The following ENOX1 variants were observed in gnomAD, a reference collection of about 807,000 sequenced individuals.
ENOX1 encodes candidate growth-related and time keeping constitutive hydroquinone (NADH) oxidase.
In ENOX1, 42 loss-of-function variants were observed where a neutral mutation model predicts 82.5. That is an observed-to-expected ratio of 0.51 (90% CI 0.40 to 0.66). ENOX1 has a LOEUF of 0.66. Ranked by LOEUF, ENOX1 falls within the 30% of genes least tolerant of loss-of-function variation. The pLI, the probability that ENOX1 is intolerant of heterozygous loss-of-function variation, is 0.00. For synonymous variants in ENOX1, 271 were observed against 282.2 expected, an observed-to-expected ratio of 0.96 and a Z score of 0.40; for missense variants, 608 against 811.6, an observed-to-expected ratio of 0.75 and a Z score of 3.05.
chr13:43,671,178 C>G lies in ENOX1; in HGVS notation c.-284-3634G>C, dbSNP rs140152912. On this transcript the variant is annotated intron_variant, in intron 1 of 16. Transcript: ENST00000690772. ...GCCATGTAAGATATGTCTGCTTCCC[C>G]TTCCACCATGATTCTAAGTTTCCTA... Among the ~76,000 whole-genome samples, 85 of 152,302 alleles carry G rather than the reference C, an allele frequency of 5.6e-4. 1 individual carries two copies. The East Asian group carries it at 0.016, about 28-fold the overall frequency.
chr13:43,553,519 G>T (rs755147685), intron 2 of ENOX1, among the ~76,000 whole-genome samples: 1 of 152,098 alleles, frequency 6.6e-6, no homozygotes, highest in Non-Finnish European at 1.5e-5. Context: ...CCTTTTTGAT[G>T]TCATTTGTAC....
At chr13:43,225,433 CAAAAG>C (rs995307416) in intron 15 of ENOX1, among the ~76,000 whole-genome samples, 4 of 152,150 alleles carry the variant, frequency 2.6e-5, no homozygotes, top group African/African-American at 9.7e-5. Flanking sequence ...GAAAAAGAAA[CAAAAG>C]AAAAGTTGTC....
intron 3 of ENOX1, among the ~76,000 whole-genome samples, chr13:43,437,512 G>A (rs1284629648): frequency 2.0e-5 from 3 of 152,156 alleles, no homozygotes; most frequent in Non-Finnish European, 4.4e-5. Context: ...AATGACTACC[G>A]GAATTCCAAA....
intron 2 of ENOX1, among the ~76,000 whole-genome samples, chr13:43,523,423 G>A (rs1168186206): frequency 3.9e-5 from 6 of 152,098 alleles, no homozygotes. Flanking sequence ...AGAAAACAGA[G>A]AATAAGGGAA....
intron 1 of ENOX1, among the ~76,000 whole-genome samples, chr13:43,680,401 G>A (rs1051241090): frequency 6.6e-6 from 1 of 152,158 alleles, no homozygotes; most frequent in Non-Finnish European, 1.5e-5. Flanking sequence ...CAGATAGGAT[G>A]GTGTTCCTTC....
intron 3 of ENOX1, among the ~76,000 whole-genome samples, chr13:43,464,678 A>C (rs2057641827): frequency 6.6e-6 from 1 of 152,186 alleles, no homozygotes; most frequent in Non-Finnish European, 1.5e-5. Context: ...CCCACTGTTA[A>C]CATCTCACAT....
chr13:43,232,470 C>G (rs966564431), intron 15 of ENOX1, among the ~76,000 whole-genome samples: 4 of 152,210 alleles, frequency 2.6e-5, no homozygotes, highest in African/African-American at 4.8e-5. Flanking sequence ...ATAGCCTCAA[C>G]TTTATTCACT....
intron 1 of ENOX1, among the ~76,000 whole-genome samples, chr13:43,700,760 C>T (rs1402910878): frequency 6.6e-6 from 1 of 152,058 alleles, no homozygotes; most frequent in Non-Finnish European, 1.5e-5. Context: ...AAACTATTAC[C>T]TTCTTACTGT....
intron 11 of ENOX1, among the ~76,000 whole-genome samples, chr13:43,313,889 A>G (rs1185059201): frequency 6.6e-6 from 1 of 152,196 alleles, no homozygotes; most frequent in Non-Finnish European, 1.5e-5. Context: ...CTGAGAACTG[A>G]TAATTTAGGT....
intron 3 of ENOX1, chr13:43,458,317 T>C (rs1006871346): frequency 6.6e-6 from 1 of 152,180 alleles, no homozygotes; most frequent in African/African-American, 2.4e-5. Flanking sequence ...AATCATACAA[T>C]GCATATAAAG....
At chr13:43,612,090 G>A (rs1053318199) in intron 2 of ENOX1, among the ~76,000 whole-genome samples, 1 of 152,166 alleles carries the variant, frequency 6.6e-6, no homozygotes, top group African/African-American at 2.4e-5. Flanking sequence ...AATTTGTTTT[G>A]TGGGTAGAGT....
intron 1 of ENOX1, among the ~76,000 whole-genome samples, chr13:43,773,232 C>T (rs988311182): frequency 6.6e-6 from 1 of 152,210 alleles, no homozygotes; most frequent in Non-Finnish European, 1.5e-5. Flanking sequence ...CCTTCAATGA[C>T]TGCTTAAGGA....
intron 2 of ENOX1, among the ~76,000 whole-genome samples, chr13:43,601,876 C>T (rs144285968): frequency 6.6e-6 from 1 of 151,794 alleles, no homozygotes; most frequent in Admixed American, 6.6e-5. Flanking sequence ...ACTTTATAGG[C>T]CAGAAGAGTG....
At chr13:43,745,438 G>T (rs7327966) in intron 1 of ENOX1, among the ~76,000 whole-genome samples, 14,191 of 152,098 alleles carry the variant, frequency 0.093, 1,098 homozygotes, top group African/African-American at 0.21. Context: ...AACCACTTAA[G>T]GAAAACGTTA....
intron 1 of ENOX1, among the ~76,000 whole-genome samples, chr13:43,669,029 G>A (rs1482075093): frequency 1.3e-5 from 2 of 152,148 alleles, no homozygotes; most frequent in African/African-American, 4.8e-5. Context: ...TATCCTACAA[G>A]ACAAGGAGGA....
intron 3 of ENOX1, among the ~76,000 whole-genome samples, chr13:43,429,886 T>C (rs73471839): frequency 0.018 from 2,717 of 152,270 alleles, 89 homozygotes; most frequent in African/African-American, 0.062. Flanking sequence ...ATAATAAACA[T>C]AATACAATTA....
At chr13:43,337,797 G>A (rs2048801713) in intron 9 of ENOX1, among the ~76,000 whole-genome samples, 1 of 152,004 alleles carries the variant, frequency 6.6e-6, no homozygotes, top group Admixed American at 6.6e-5. Context: ...GGAGCCAAGA[G>A]TCTTGGTTCT....
At chr13:43,236,388 C>T (rs1122760) in intron 15 of ENOX1, among the ~76,000 whole-genome samples, 2 of 152,054 alleles carry the variant, frequency 1.3e-5, no homozygotes, top group East Asian at 3.9e-4. Flanking sequence ...TGAGATGCAA[C>T]TTAGCGTATT....
intron 2 of ENOX1, among the ~76,000 whole-genome samples, chr13:43,616,791 G>A (rs970083808): frequency 2.6e-5 from 4 of 151,958 alleles, no homozygotes; most frequent in African/African-American, 7.2e-5. Flanking sequence ...TACTGCAGAG[G>A]TGGGGAGGTA....
Sources: gnomAD v4.1 joint callset for allele counts (sites outside exome capture counted in the v4.1 genomes callset) on GRCh38, gnomAD v4.1.1 for gene constraint, MANE v1.5 for transcripts, NCBI Gene and HGNC (gene_info 2026-07-23, HGNC 2026-07-21) for gene names.